GCNT2: variants seen among roughly 807,000 people sequenced by gnomAD.
GCNT2 encodes glucosaminyl (N-acetyl) transferase 2 (I blood group).
GCNT2 carries 34 observed loss-of-function variants against 34.2 expected under a neutral mutation model. That is an observed-to-expected ratio of 1.00 (90% CI 0.76 to 1.32). The LOEUF (loss-of-function observed/expected upper bound fraction) is 1.32, where lower values mean the gene tolerates loss of function less well. GCNT2 is among the 40% of genes most tolerant of loss of function. The probability of loss-of-function intolerance (pLI) is 0.00; values close to 1 mark genes in which losing one functional copy is unlikely to be tolerated. For missense variants in GCNT2, 584 were observed against 489.4 expected, an observed-to-expected ratio of 1.19 and a Z score of -1.82; for synonymous variants, 212 against 188.0, an observed-to-expected ratio of 1.13 and a Z score of -1.04.
chr6:10,523,145 C>T (rs559280478), intron 1 of GCNT2, among the ~76,000 whole-genome samples: 5 of 152,224 alleles, frequency 3.3e-5, no homozygotes, highest in Admixed American at 2.0e-4. Context: ...TTCAGCCAGG[C>T]GCGGTGTGGC....
chr6:10,623,292 A>AT (rs35557936), intron 4 of GCNT2, among the ~76,000 whole-genome samples: 311 of 139,548 alleles, frequency 2.2e-3, no homozygotes, highest in East Asian at 5.5e-3. Flanking sequence ...TGCCTACATT[A>AT]TTTTTTTTTT....
chr6:10,585,827 G>A lies in GCNT2; in HGVS notation c.926-35524G>A, dbSNP rs1764317769. 34 of 1,461,170 alleles carry A rather than the reference G, an allele frequency of 2.3e-5. No homozygotes were observed. The South Asian group carries it at 3.6e-4, about 15-fold the overall frequency. 90.5% of individuals were successfully genotyped at this position (1,461,170 alleles called of 1,614,324 possible). A position where few individuals can be genotyped will look rare whatever the true frequency, so the allele number is the denominator to read the frequency against. On this transcript the variant is annotated intron_variant, in intron 3 of 4. Coordinates refer to ENST00000495262, the MANE Select transcript of GCNT2 (RefSeq NM_145649.5). ...ATCCAAAAAGGATGGACGAGACACC[G>A]AAGCAGAGGATACAGGAGGATTAAA...
chr6:10,562,152 C>T (rs1226914423), intron 3 of GCNT2, among the ~76,000 whole-genome samples: 4 of 152,194 alleles, frequency 2.6e-5, no homozygotes, highest in Non-Finnish European at 4.4e-5. Flanking sequence ...GGTCATCTCC[C>T]TGTGGGGAGA....
At chr6:10,569,129 G>C (rs3823012) in intron 3 of GCNT2, among the ~76,000 whole-genome samples, 76,762 of 151,336 alleles carry the variant, frequency 0.51, 19,772 homozygotes, top group East Asian at 0.64. Flanking sequence ...TTATTGAATT[G>C]AGTCAAATGG....
At chr6:10,546,518 G>A (rs1279284661) in intron 3 of GCNT2, among the ~76,000 whole-genome samples, 1 of 152,066 alleles carries the variant, frequency 6.6e-6, no homozygotes, top group African/African-American at 2.4e-5. Context: ...AATTAGCCAG[G>A]CGTGGTGGCA....
intron 3 of GCNT2, among the ~76,000 whole-genome samples, chr6:10,546,667 G>C (rs1194234785): frequency 2.0e-5 from 3 of 151,950 alleles, no homozygotes; most frequent in Non-Finnish European, 4.4e-5. Context: ...TAAAAGAAAA[G>C]AAAAGAAAAT....
Position 10,529,520 on chromosome 6 carries a change from A to G in GCNT2, c.609A>G (p.Ile203Met), listed in dbSNP as rs575251024. ...QDFPLKTNRE[I>M]VQYLKGFKGK... ...TTCCCCTGAAAACCAACAGGGAAATAGTTCAGTATCTGAAGGGATTTAAAG... is the reference window on the plus strand; with the variant it reads ...TTCCCCTGAAAACCAACAGGGAAATGGTTCAGTATCTGAAGGGATTTAAAG... The change falls in exon 3 of 5, where the codon ATA (isoleucine) becomes ATG (methionine). Residue 203 changes from isoleucine to methionine, a missense_variant. Ile to Met is a conservative substitution (Grantham distance 10). Transcript: ENST00000495262. 2.5e-6 allele frequency: 4 copies of G among 1,614,124 alleles called. No individual in the cohort carries two copies. In the African/African-American group the frequency reaches 4.0e-5, roughly 16 times the overall value.
At chr6:10,612,192 G>A (rs1765588577) in intron 3 of GCNT2, among the ~76,000 whole-genome samples, 1 of 152,076 alleles carries the variant, frequency 6.6e-6, no homozygotes, top group African/African-American at 2.4e-5. Flanking sequence ...TCACCATGTT[G>A]GCCAGGCTGG....
chr6:10,621,249 A>C (rs1331551923), intron 3 of GCNT2, 102 bp from the exon 4 acceptor site: 10 of 769,824 alleles, frequency 1.3e-5, no homozygotes, highest in Non-Finnish European at 2.3e-5. Flanking sequence ...GAAAGGTAAT[A>C]AACTGAAAGA....
At chr6:10,527,880 A>G (rs900398509) in intron 2 of GCNT2, among the ~76,000 whole-genome samples, 3 of 152,154 alleles carry the variant, frequency 2.0e-5, no homozygotes, top group African/African-American at 7.2e-5. Context: ...CAGATTAAAA[A>G]AAAAGCCTCC....
chr6:10,590,061 C>T (rs1764564931), intron 3 of GCNT2, among the ~76,000 whole-genome samples: 1 of 152,156 alleles, frequency 6.6e-6, no homozygotes, highest in Non-Finnish European at 1.5e-5. Context: ...CCTACTATTC[C>T]CTTGCTCCAG....
chr6:10,569,385 G>A (rs146809688), intron 3 of GCNT2, among the ~76,000 whole-genome samples: 2 of 152,212 alleles, frequency 1.3e-5, no homozygotes, highest in African/African-American at 2.4e-5. Flanking sequence ...TGCAGTGTGT[G>A]ATCTTGGCTC....
At chr6:10,575,193 T>A (rs1697017256) in intron 3 of GCNT2, 3 of 388,670 alleles carry the variant, frequency 7.7e-6, no homozygotes, top group Non-Finnish European at 9.9e-6. Context: ...GAACATACAT[T>A]GGGTGCCTCT....
At chr6:10,586,579 T>C in intron 3 of GCNT2, 2 of 1,614,152 alleles carry the variant, frequency 1.2e-6, no homozygotes, top group Non-Finnish European at 1.7e-6. Context: ...GACTTCCCCC[T>C]GAAAACCAAC....
intron 3 of GCNT2, among the ~76,000 whole-genome samples, chr6:10,604,373 G>A (rs1476078210): frequency 2.0e-5 from 3 of 152,044 alleles, no homozygotes; most frequent in South Asian, 4.2e-4. Flanking sequence ...GACTCACAAG[G>A]TAAATATGCC....
chr6:10,593,747 C>T (rs933306670), intron 3 of GCNT2, among the ~76,000 whole-genome samples: 1 of 152,100 alleles, frequency 6.6e-6, no homozygotes, highest in African/African-American at 2.4e-5. Flanking sequence ...TATCAATGTC[C>T]ATAGTACAAT....
intron 3 of GCNT2, among the ~76,000 whole-genome samples, chr6:10,560,777 T>C (rs891201624): frequency 3.9e-5 from 6 of 152,016 alleles, no homozygotes; most frequent in Non-Finnish European, 8.8e-5. Flanking sequence ...GAGAGTGACT[T>C]CTCTTTTGGT....
chr6:10,585,435 A>G (rs1764301643), intron 3 of GCNT2, among the ~76,000 whole-genome samples: 1 of 152,210 alleles, frequency 6.6e-6, no homozygotes, highest in Non-Finnish European at 1.5e-5. Flanking sequence ...AGGAAGAGAA[A>G]GAAACCAGAG....
intron 3 of GCNT2, among the ~76,000 whole-genome samples, chr6:10,595,626 C>T (rs1313548813): frequency 6.6e-6 from 1 of 151,998 alleles, no homozygotes; most frequent in Admixed American, 6.6e-5. Context: ...CCAGAAAGGA[C>T]TTAAGATGTC....
Sources: gnomAD v4.1 joint callset for allele counts (sites outside exome capture counted in the v4.1 genomes callset) on GRCh38, gnomAD v4.1.1 for gene constraint, MANE v1.5 for transcripts, NCBI Gene and HGNC (gene_info 2026-07-23, HGNC 2026-07-21) for gene names.